The following SLCO1C1 variants were observed in gnomAD, a reference collection of about 807,000 sequenced individuals.
SLCO1C1 encodes solute carrier organic anion transporter family member 1C1.
SLCO1C1 carries 70 observed loss-of-function variants against 76.4 expected under a neutral mutation model. The ratio of observed to expected loss-of-function variants is 0.92; its 90% CI spans 0.76 to 1.12. SLCO1C1 has a LOEUF of 1.12. Among genes scored for constraint, SLCO1C1 ranks in the 50% most tolerant of loss-of-function variants. The pLI, the probability that SLCO1C1 is intolerant of heterozygous loss-of-function variation, is 0.00. For synonymous variants in SLCO1C1, 306 were observed against 286.1 expected (o/e 1.07, Z -0.70); for missense variants, 912 against 823.8 (o/e 1.11, Z -1.31).
At chr12:20,716,663 G>T (rs1947372325) in intron 6 of SLCO1C1, among the ~76,000 whole-genome samples, 2 of 152,078 alleles carry the variant, frequency 1.3e-5, no homozygotes, top group African/African-American at 4.8e-5. Flanking sequence ...ATCTTTACAG[G>T]TCCTGGTCTC....
rs550994745 is a variant in SLCO1C1 at position 20,722,600 on chromosome 12, A to T, written c.1022-490A>T. On this transcript the variant is annotated intron_variant, in intron 8 of 14. Coordinates refer to ENST00000266509, the MANE Select transcript of SLCO1C1 (RefSeq NM_017435.5). ...TTCACATGTCTAATTGGTAGGCTAC[A>T]TAATAGGAAAAAGGGAGAACACCAA... 4.7e-4 allele frequency among the ~76,000 whole-genome samples: 71 copies of T among 152,220 alleles called. 1 individual carries two copies. Among genetic ancestry groups the T allele is most frequent in the Non-Finnish European group, 9.3e-4 (63 of 68,040 alleles).
In SLCO1C1 at chr12:20,732,956, A is replaced by T; in HGVS notation, c.1234A>T (p.Ile412Leu). The change falls in exon 10 of 15, where the codon ATA (isoleucine) becomes TTA (leucine). Residue 412 changes from isoleucine to leucine, a missense_variant. Transcript: ENST00000266509. ...AVALGIFSGG[I>L]VMKKFRISVC... is the part of the protein sequence containing the mutation. ...GGCCCTTGGAATATTCTCTGGGGGGATAGTTATGAAAAAATTCAGAATCAG... is the reference window on the plus strand; with the variant it reads ...GGCCCTTGGAATATTCTCTGGGGGGTTAGTTATGAAAAAATTCAGAATCAG... 6.2e-7 allele frequency: 1 copy of T among 1,613,668 alleles called. No individual in the cohort carries two copies. Among genetic ancestry groups the T allele is most frequent in the Non-Finnish European group, 8.5e-7 (1 of 1,179,894 alleles).
At chr12:20,740,783 TTATTTATA>T (rs1242840350) in intron 12 of SLCO1C1, among the ~76,000 whole-genome samples, 7 of 53,996 alleles carry the variant, frequency 1.3e-4, no homozygotes, top group Admixed American at 4.7e-4. Context: ...AGAATTTATT[TTATTTATA>T]TATATATATA....
chr12:20,699,851 C>T, intron 2 of SLCO1C1, 146 bp downstream of exon 2: 1 of 936,864 alleles, frequency 1.1e-6, no homozygotes, highest in Non-Finnish European at 1.5e-6. Flanking sequence ...CACACCTTGC[C>T]AGGCGGTGCA....
At chr12:20,720,997 C>CAA (rs35297084) in intron 7 of SLCO1C1, among the ~76,000 whole-genome samples, 2,786 of 42,710 alleles carry the variant, frequency 0.065, 125 homozygotes, top group African/African-American at 0.11. Flanking sequence ...AACTCCATCT[C>CAA]AAAAAAAAAA....
At chr12:20,732,882 A>G (rs1273977317) in intron 9 of SLCO1C1, 27 bp from the exon 10 acceptor site, 5 of 1,610,826 alleles carry the variant, frequency 3.1e-6, no homozygotes, top group Admixed American at 1.7e-5. Flanking sequence ...GAGATTCACA[A>G]AATGATATAT....
chr12:20,714,642 A>C (rs1171322913), intron 5 of SLCO1C1, among the ~76,000 whole-genome samples: 1 of 152,226 alleles, frequency 6.6e-6, no homozygotes, highest in African/African-American at 2.4e-5. Flanking sequence ...CAAATGTTGG[A>C]ATATCAACCA....
Position 20,753,210 on chromosome 12 carries a change from C to T in SLCO1C1, c.*682C>T. On this transcript the variant is annotated 3_prime_UTR_variant, in exon 15 of 15. Coordinates refer to ENST00000266509, the MANE Select transcript of SLCO1C1 (RefSeq NM_017435.5). ...TGTAAAGTAATAAAATTGATGTTAA[C>T]ATGCCCAATTATTGTTCTTTTATGA... 1 of 152,146 alleles carries T rather than the reference C, an allele frequency of 6.6e-6. No homozygotes were observed. Among genetic ancestry groups the T allele is most frequent in the East Asian group, 1.9e-4 (1 of 5,198 alleles). The allele number at this position is 152,146 out of a possible 1,614,324, so 9.4% of individuals were successfully genotyped here.
intron 10 of SLCO1C1, among the ~76,000 whole-genome samples, chr12:20,733,878 G>T (rs1163901974): frequency 6.6e-6 from 1 of 152,118 alleles, no homozygotes; most frequent in Non-Finnish European, 1.5e-5. Flanking sequence ...CTTGCCCATT[G>T]AGAGTCTTTC....
At chr12:20,736,649 T>G (rs1948557828) in intron 10 of SLCO1C1, among the ~76,000 whole-genome samples, 1 of 152,148 alleles carries the variant, frequency 6.6e-6, no homozygotes, top group Non-Finnish European at 1.5e-5. Context: ...TTCCTTTTAC[T>G]GGACCATTAG....
At position 20,752,983 on chromosome 12, in the gene SLCO1C1, G is replaced by A. The variant is rs1261778511; in HGVS notation, c.*455G>A. On this transcript the variant is annotated 3_prime_UTR_variant, in exon 15 of 15. Coordinates refer to ENST00000266509, the MANE Select transcript of SLCO1C1 (RefSeq NM_017435.5). ...TTTTCTCCCATAGCTGTCTTCATCT[G>A]TGTATTTTAATAATGATCTTAGGAT... 6.6e-6 allele frequency: 1 copy of A among 152,200 alleles called. No homozygotes were observed. Among genetic ancestry groups the A allele is most frequent in the Non-Finnish European group, 1.5e-5 (1 of 68,094 alleles). 9.4% of individuals were successfully genotyped at this position (152,200 alleles called of 1,614,324 possible).
chr12:20,752,638 G>A lies in SLCO1C1; in HGVS notation c.*110G>A, dbSNP rs1949367485. 1 of 918,574 alleles carries A rather than the reference G, an allele frequency of 1.1e-6. No homozygotes were observed. Among genetic ancestry groups the A allele is most frequent in the African/African-American group, 1.7e-5 (1 of 59,858 alleles). 56.9% of individuals were successfully genotyped at this position (918,574 alleles called of 1,614,324 possible). A position where few individuals can be genotyped will look rare whatever the true frequency, so the allele number is the denominator to read the frequency against. On this transcript the variant is annotated 3_prime_UTR_variant, in exon 15 of 15. Transcript: ENST00000266509. Reference sequence around the variant, plus strand: ...TAATTTCTTTCTCCTTTCAAAAAATGTCTACTTTGTTTTGGTCCTAGGCAT... The same window carrying A: ...TAATTTCTTTCTCCTTTCAAAAAATATCTACTTTGTTTTGGTCCTAGGCAT...
chr12:20,715,247 A>T lies in SLCO1C1; in HGVS notation c.638A>T (p.Asp213Val), dbSNP rs1270942522. Reference sequence around the variant, plus strand: ...CAGCCTTTGGGCATTGCCTACCTGGATGATTTTGCCAGTGAAGACAATGCA... The same window carrying T: ...CAGCCTTTGGGCATTGCCTACCTGGTTGATTTTGCCAGTGAAGACAATGCA... Reference protein sequence around the residue: ...PIQPLGIAYLDDFASEDNAAF... With the variant: ...PIQPLGIAYLVDFASEDNAAF... Residue 213 changes from aspartate (D) to valine (V), a missense_variant, in exon 6 of 15, where the codon GAT (aspartate) becomes GTT (valine). Coordinates refer to ENST00000266509, the MANE Select transcript of SLCO1C1 (RefSeq NM_017435.5). 6.2e-7 allele frequency: 1 copy of T among 1,614,042 alleles called. No homozygotes were observed. Among genetic ancestry groups the T allele is most frequent in the Non-Finnish European group, 8.5e-7 (1 of 1,179,930 alleles).
intron 1 of SLCO1C1, among the ~76,000 whole-genome samples, chr12:20,696,533 T>A (rs528888540): frequency 6.6e-6 from 1 of 152,140 alleles, no homozygotes; most frequent in African/African-American, 2.4e-5. Flanking sequence ...TAATGAGGAC[T>A]GATTATTCAA....
intron 3 of SLCO1C1, among the ~76,000 whole-genome samples, chr12:20,705,609 T>G (rs1275785897): frequency 6.6e-6 from 1 of 151,936 alleles, no homozygotes; most frequent in Non-Finnish European, 1.5e-5. Context: ...AATAAGAAGT[T>G]TACTTCAAAT....
At chr12:20,724,067 T>C (rs542762603) in intron 9 of SLCO1C1, among the ~76,000 whole-genome samples, 64 of 152,240 alleles carry the variant, frequency 4.2e-4, no homozygotes, top group African/African-American at 1.5e-3. Flanking sequence ...CACATGCTAA[T>C]ATAATTGACA....
rs1441635031 is a variant in SLCO1C1, at chr12:20,723,175, G to A, written c.1107G>A (p.Leu369=). 6.2e-7 allele frequency: 1 copy of A among 1,614,130 alleles called. No homozygotes were observed. The highest frequency in any genetic ancestry group is 1.1e-5 in the South Asian group (1 of 91,078). ...CAAGCACTGTTCAGTTCAATTCTCT[G>A]TTCGGCATGGTGACGTACAAACCAA... ...LCTSTVQFNS[L]FGMVTYKPKY... The change falls in exon 9 of 15, where the codon CTG becomes CTA. Residue 369 remains leucine, a synonymous_variant. Coordinates refer to ENST00000266509, the MANE Select transcript of SLCO1C1 (RefSeq NM_017435.5).
intron 7 of SLCO1C1, 33 bp from the exon 8 acceptor site, chr12:20,721,771 T>C (rs1337999706): frequency 6.2e-7 from 1 of 1,605,284 alleles, no homozygotes; most frequent in Admixed American, 1.7e-5. Flanking sequence ...GCTTTGCTGT[T>C]TGTATTACTT....
chr12:20,699,818 T>C, intron 2 of SLCO1C1, 113 bp downstream of exon 2: 1 of 1,140,602 alleles, frequency 8.8e-7, no homozygotes, highest in South Asian at 2.1e-5. Context: ...AAAAAAAAGA[T>C]CTTAGATGCA....
Sources: allele counts gnomAD v4.1 joint callset (sites outside exome capture counted in the v4.1 genomes callset), GRCh38; gene constraint gnomAD v4.1.1; transcripts MANE v1.5; gene names NCBI Gene and HGNC (gene_info 2026-07-23, HGNC 2026-07-21).